Variants in SSH2 observed in about 807,000 individuals in gnomAD.
SSH2 encodes the protein protein phosphatase Slingshot homolog 2.
Under a neutral mutation model 135.2 loss-of-function variants are expected in SSH2, and 37 were observed. The observed-to-expected ratio is 0.27, with a 90% CI of 0.21 to 0.36. The LOEUF is 0.36. SSH2 is among the 10% of genes least tolerant of loss of function. The pLI is 1.00. For synonymous variants in SSH2, 628 were observed against 646.2 expected (o/e 0.97, Z 0.43); for missense variants, 1,408 against 1,765.3 (o/e 0.80, Z 3.63).
chr17:29,665,570 A>C (rs1192643438), intron 11 of SSH2, among the ~76,000 whole-genome samples: 1 of 152,220 alleles, frequency 6.6e-6, no homozygotes, highest in Non-Finnish European at 1.5e-5. Context: ...CACAGTTCAT[A>C]AACGTCCTCA....
chr17:29,711,038 G>C (rs941432970), intron 3 of SSH2, among the ~76,000 whole-genome samples: 2 of 152,136 alleles, frequency 1.3e-5, no homozygotes, highest in African/African-American at 4.8e-5. Flanking sequence ...GCCTCTGAAT[G>C]CAAGAGTCAG....
chr17:29,770,770 G>C (rs2041566782), intron 3 of SSH2, among the ~76,000 whole-genome samples: 1 of 152,144 alleles, frequency 6.6e-6, no homozygotes, highest in Non-Finnish European at 1.5e-5. Flanking sequence ...ACCGTGCCCG[G>C]CCCAAGTCTT....
At chr17:29,913,345 A>AATTAT (rs2066805737) in intron 1 of SSH2, among the ~76,000 whole-genome samples, 1 of 37,504 alleles carries the variant, frequency 2.7e-5, no homozygotes. Context: ...AAAAAAAAAA[A>AATTAT]AAATATATAT....
intron 1 of SSH2, among the ~76,000 whole-genome samples, chr17:29,908,411 G>C (rs1054180077): frequency 6.6e-6 from 1 of 152,228 alleles, no homozygotes; most frequent in African/African-American, 2.4e-5. Flanking sequence ...TATACAGTGA[G>C]CCATGATTGT....
chr17:29,842,927 T>C (rs760463352), intron 2 of SSH2, among the ~76,000 whole-genome samples: 29 of 152,316 alleles, frequency 1.9e-4, no homozygotes, highest in East Asian at 9.6e-4. Context: ...CAACTGGCCA[T>C]TTGAAACTCA....
At chr17:29,786,458 C>G (rs2041966642) in intron 3 of SSH2, among the ~76,000 whole-genome samples, 1 of 152,098 alleles carries the variant, frequency 6.6e-6, no homozygotes, top group Non-Finnish European at 1.5e-5. Context: ...CCTTTTTGCC[C>G]CATAAATCCC....
chr17:29,794,984 A>G (rs888143138), intron 2 of SSH2, among the ~76,000 whole-genome samples: 6 of 152,242 alleles, frequency 3.9e-5, no homozygotes, highest in Non-Finnish European at 8.8e-5. Context: ...TTCTCTCATC[A>G]CTTTTGCCCT....
At chr17:29,779,933 AC>A (rs1455285518) in intron 3 of SSH2, among the ~76,000 whole-genome samples, 2 of 150,666 alleles carry the variant, frequency 1.3e-5, no homozygotes, top group Non-Finnish European at 3.0e-5. Flanking sequence ...AAACAAAAAA[AC>A]AACTCTGGCC....
At chr17:29,902,341 C>T (rs1351912230) in intron 1 of SSH2, among the ~76,000 whole-genome samples, 2 of 152,098 alleles carry the variant, frequency 1.3e-5, no homozygotes. Context: ...CATGAATGTT[C>T]ACCTTAGATT....
chr17:29,859,096 T>C (rs1048682918), intron 1 of SSH2, among the ~76,000 whole-genome samples: 1 of 152,184 alleles, frequency 6.6e-6, no homozygotes, highest in Non-Finnish European at 1.5e-5. Flanking sequence ...TCTGTTTAAA[T>C]GGCTTATACT....
At chr17:29,824,122 C>T (rs1344245250) in intron 2 of SSH2, among the ~76,000 whole-genome samples, 4 of 151,996 alleles carry the variant, frequency 2.6e-5, no homozygotes, top group African/African-American at 2.4e-5. Flanking sequence ...ACTGAGGAAC[C>T]CACAACATCT....
chr17:29,684,206 G>C (rs1173077539), intron 6 of SSH2, among the ~76,000 whole-genome samples: 1 of 152,158 alleles, frequency 6.6e-6, no homozygotes, highest in African/African-American at 2.4e-5. Flanking sequence ...CTGGGGCCAG[G>C]CACGGTGGCT....
intron 11 of SSH2, among the ~76,000 whole-genome samples, chr17:29,666,156 T>C (rs2037264821): frequency 6.6e-6 from 1 of 152,060 alleles, no homozygotes; most frequent in Non-Finnish European, 1.5e-5. Context: ...GTGGATTGCT[T>C]GAGCTCAGGA....
chr17:29,701,471 G>C (rs887127672), intron 4 of SSH2, among the ~76,000 whole-genome samples: 4 of 144,810 alleles, frequency 2.8e-5, no homozygotes, highest in Non-Finnish European at 6.0e-5. Context: ...GTGCAGTGGT[G>C]CAAAGAGGGC....
chr17:29,827,912 A>G (rs1250654866), intron 2 of SSH2, among the ~76,000 whole-genome samples: 1 of 152,218 alleles, frequency 6.6e-6, no homozygotes, highest in Non-Finnish European at 1.5e-5. Flanking sequence ...GAGGATAATT[A>G]CATATGATAG....
At chr17:29,711,010 T>C (rs867726034) in intron 3 of SSH2, among the ~76,000 whole-genome samples, 23 of 152,192 alleles carry the variant, frequency 1.5e-4, no homozygotes, top group Admixed American at 5.9e-4. Context: ...CCTGAGGGCA[T>C]TGACTTCCCA....
At chr17:29,843,170 G>A (rs758124305) in intron 2 of SSH2, among the ~76,000 whole-genome samples, 11 of 152,166 alleles carry the variant, frequency 7.2e-5, no homozygotes, top group Non-Finnish European at 1.6e-4. Flanking sequence ...GTTTGTTGTT[G>A]TATCTGGATG....
chr17:29,739,146 T>C (rs188662632), intron 3 of SSH2, among the ~76,000 whole-genome samples: 8 of 152,260 alleles, frequency 5.3e-5, no homozygotes, highest in African/African-American at 1.9e-4. Context: ...GGTAAGAGGA[T>C]AGACTACAAC....
At chr17:29,814,919 A>T (rs1316622827) in intron 2 of SSH2, among the ~76,000 whole-genome samples, 1 of 151,342 alleles carries the variant, frequency 6.6e-6, no homozygotes, top group Admixed American at 6.6e-5. Context: ...AGGGATGGGG[A>T]AAATGTATAA....
Sources: allele counts gnomAD v4.1 joint callset (sites outside exome capture counted in the v4.1 genomes callset), GRCh38; gene constraint gnomAD v4.1.1; transcripts MANE v1.5; gene names NCBI Gene and HGNC (gene_info 2026-07-23, HGNC 2026-07-21).